The following TM9SF2 variants were observed in gnomAD, a reference collection of about 807,000 sequenced individuals.
TM9SF2 encodes 76 kDa membrane protein.
A neutral mutation model predicts 84.9 loss-of-function variants in TM9SF2; 13 were observed. That is an observed-to-expected ratio of 0.15 (90% CI 0.10 to 0.24). TM9SF2 has a LOEUF of 0.24. TM9SF2 is among the 10% of genes least tolerant of loss of function. The pLI, the probability that TM9SF2 is intolerant of heterozygous loss-of-function variation, is 1.00. For synonymous variants in TM9SF2, 273 were observed against 285.8 expected (o/e 0.96, Z 0.45); for missense variants, 562 against 818.5 (o/e 0.69, Z 3.82).
At chr13:99,505,345 G>T (rs2139066776) in intron 1 of TM9SF2, among the ~76,000 whole-genome samples, 1 of 152,136 alleles carries the variant, frequency 6.6e-6, no homozygotes, top group African/African-American at 2.4e-5. Flanking sequence ...TAGAGATGGG[G>T]TTTCACCACG....
At chr13:99,526,600 T>C (rs988226782) in intron 3 of TM9SF2, among the ~76,000 whole-genome samples, 5 of 151,908 alleles carry the variant, frequency 3.3e-5, no homozygotes, top group African/African-American at 1.2e-4. Context: ...AAGCTTGAAA[T>C]GGAGATAATG....
At chr13:99,536,038 A>G (rs143861516) in intron 4 of TM9SF2, among the ~76,000 whole-genome samples, 7 of 152,082 alleles carry the variant, frequency 4.6e-5, no homozygotes, top group East Asian at 1.9e-4. Flanking sequence ...ATGTTTTCCT[A>G]TATCTTGCAA....
intron 10 of TM9SF2, among the ~76,000 whole-genome samples, chr13:99,544,381 G>A (rs2046274086): frequency 6.6e-6 from 1 of 151,880 alleles, no homozygotes; most frequent in Admixed American, 6.6e-5. Context: ...TTTCTAAGTG[G>A]GTAGGTAAGC....
chr13:99,546,719 C>G (rs2046284262), intron 10 of TM9SF2, among the ~76,000 whole-genome samples: 1 of 152,052 alleles, frequency 6.6e-6, no homozygotes, highest in Non-Finnish European at 1.5e-5. Flanking sequence ...ATCCAGTCAG[C>G]CTCCCCTGAT....
intron 8 of TM9SF2, 119 bp downstream of exon 8, chr13:99,540,912 A>T (rs1360683518): frequency 1.1e-6 from 1 of 877,554 alleles, no homozygotes; most frequent in African/African-American, 1.7e-5. Context: ...TTGGGTTCAA[A>T]TCCTGGCTTT....
Position 99,539,431 on chromosome 13 carries a change from T to C in TM9SF2, c.717-15T>C. On this transcript the variant is annotated splice_polypyrimidine_tract_variant and intron_variant, in intron 6 of 16. Transcript: ENST00000376387. ...GTACTTTATCAGCATCTTGCCAAAA[T>C]GTTTCTTCCCACAGCTTCAAACATA... 1 of 1,539,310 alleles carries C rather than the reference T, an allele frequency of 6.5e-7. No individual in the cohort carries two copies. Among genetic ancestry groups the C allele is most frequent in the South Asian group, 1.1e-5 (1 of 88,874 alleles).
intron 1 of TM9SF2, among the ~76,000 whole-genome samples, chr13:99,516,950 A>T (rs947661287): frequency 6.6e-6 from 1 of 152,204 alleles, no homozygotes; most frequent in African/African-American, 2.4e-5. Flanking sequence ...TGCAGAGTGT[A>T]ATACCAAATT....
chr13:99,508,591 C>T (rs2046099979), intron 1 of TM9SF2, among the ~76,000 whole-genome samples: 1 of 152,012 alleles, frequency 6.6e-6, no homozygotes, highest in African/African-American at 2.4e-5. Flanking sequence ...TTAATTGGCC[C>T]ACAGTTCTGC....
intron 3 of TM9SF2, among the ~76,000 whole-genome samples, chr13:99,524,509 A>G (rs1322030832): frequency 1.3e-5 from 2 of 152,084 alleles, no homozygotes; most frequent in Non-Finnish European, 2.9e-5. Context: ...GAGATGCTGA[A>G]TAAACAGCCA....
At chr13:99,521,070 TCTC>T (rs2046158093) in intron 3 of TM9SF2, among the ~76,000 whole-genome samples, 1 of 152,276 alleles carries the variant, frequency 6.6e-6, no homozygotes, top group South Asian at 2.1e-4. Flanking sequence ...TTGTATCTGT[TCTC>T]CTACTGTACA....
intron 4 of TM9SF2, among the ~76,000 whole-genome samples, chr13:99,531,396 C>T (rs921277018): frequency 7.9e-5 from 12 of 152,250 alleles, no homozygotes; most frequent in Middle Eastern, 3.4e-3. Flanking sequence ...TGTTTGCTCA[C>T]GCCAATAAGG....
intron 12 of TM9SF2, 147 bp from the exon 13 acceptor site, chr13:99,552,020 A>G (rs2046307310): frequency 1.3e-6 from 1 of 768,344 alleles, no homozygotes; most frequent in Non-Finnish European, 1.9e-6. Context: ...TTTCTAGTCA[A>G]GTTTTACATT....
At chr13:99,552,785 G>A (rs1055785210) in intron 13 of TM9SF2, among the ~76,000 whole-genome samples, 1 of 152,178 alleles carries the variant, frequency 6.6e-6, no homozygotes, top group East Asian at 1.9e-4. Flanking sequence ...TGTATTTTTA[G>A]TGGAGACAAG....
chr13:99,545,590 C>T (rs1330071887), intron 10 of TM9SF2, among the ~76,000 whole-genome samples: 3 of 150,644 alleles, frequency 2.0e-5, no homozygotes, highest in Non-Finnish European at 2.9e-5. Flanking sequence ...TTTTTTGAGA[C>T]GGAGCCTCGC....
intron 5 of TM9SF2, among the ~76,000 whole-genome samples, chr13:99,537,403 A>AAGTGT (rs907591671): frequency 5.3e-5 from 8 of 152,302 alleles, no homozygotes; most frequent in African/African-American, 1.9e-4. Context: ...CAGGCAGGAA[A>AAGTGT]AGTGTTTAAA....
Position 99,520,048 on chromosome 13 carries a change from C to T in TM9SF2, c.252C>T (p.Cys84=). The T allele has an allele frequency of 6.2e-7, 1 of 1,612,454 alleles. No homozygotes were observed. Among genetic ancestry groups the T allele is most frequent in the African/African-American group, 1.3e-5 (1 of 74,876 alleles). ...ATTCTTCTCCCAGGTTTGATTTTTG[C>T]CAAGCATCAGAAGGAAAGCGCCCAT... ...LPYEYTAFDF[C]QASEGKRPSE... Residue 84 remains cysteine, a synonymous_variant, in exon 3 of 17, where the codon TGC becomes TGT. Coordinates refer to ENST00000376387, the MANE Select transcript of TM9SF2 (RefSeq NM_004800.3).
rs61561266 is a variant in TM9SF2, at chr13:99,508,404, A to AACACACACACACACACAC, written c.171+6650_171+6667dup. 3.1e-3 allele frequency among the ~76,000 whole-genome samples: 412 copies of AACACACACACACACACAC among 134,482 alleles called. 4 individuals carry two copies. The highest frequency in any genetic ancestry group is 0.01 in the East Asian group (45 of 4,412). 88.2% of individuals were successfully genotyped at this position (134,482 alleles called of 152,430 possible). ...AGAGTGGGAAAAAAAAGGCAAACAA[A>AACACACACACACACACAC]ACACACACACACACACACACACACA... On this transcript the variant is annotated intron_variant, in intron 1 of 16. Coordinates refer to ENST00000376387, the MANE Select transcript of TM9SF2 (RefSeq NM_004800.3).
chr13:99,545,538 T>C (rs1436233175), intron 10 of TM9SF2, among the ~76,000 whole-genome samples: 1 of 152,008 alleles, frequency 6.6e-6, no homozygotes, highest in East Asian at 1.9e-4. Flanking sequence ...TAGAGCAGAA[T>C]GAATGTTTGA....
Position 99,563,998 on chromosome 13 carries a change from C to T in TM9SF2, c.*1240C>T, listed in dbSNP as rs1360875136. ...TCAGATACTGTCATTAAACTTACAA[C>T]TAAAATTACTAGCTGTCACTTATAT... On this transcript the variant is annotated 3_prime_UTR_variant, in exon 17 of 17. Coordinates refer to ENST00000376387, the MANE Select transcript of TM9SF2 (RefSeq NM_004800.3). 1.3e-5 allele frequency: 2 copies of T among 151,890 alleles called. No homozygotes were observed. Among genetic ancestry groups the T allele is most frequent in the South Asian group, 2.1e-4 (1 of 4,818 alleles). The allele number at this position is 151,890 out of a possible 1,614,324, so 9.4% of individuals were successfully genotyped here.
Sources: allele counts gnomAD v4.1 joint callset (sites outside exome capture counted in the v4.1 genomes callset), GRCh38; gene constraint gnomAD v4.1.1; transcripts MANE v1.5; gene names NCBI Gene and HGNC (gene_info 2026-07-23, HGNC 2026-07-21).